The following PNPLA7 variants were observed in gnomAD, a reference collection of about 807,000 sequenced individuals.
PNPLA7 encodes the protein patatin-like phospholipase domain-containing protein 7.
PNPLA7 carries 153 observed loss-of-function variants against 161.7 expected under a neutral mutation model. The ratio of observed to expected loss-of-function variants is 0.95; its 90% CI spans 0.83 to 1.08. The LOEUF is 1.08. Ranked by LOEUF, PNPLA7 falls within the 50% of genes least tolerant of loss-of-function variation. The pLI is 0.00. For synonymous variants in PNPLA7, 809 were observed against 782.1 expected, an observed-to-expected ratio of 1.03 and a Z score of -0.57; for missense variants, 1,739 against 1,856.6, an observed-to-expected ratio of 0.94 and a Z score of 1.16.
Position 137,484,651 on chromosome 9 carries a change from G to C in PNPLA7, c.2283C>G (p.Pro761=). ...CGGTGAGGGGCACTTCCTCTGACAC[G>C]GGCATCACTGCCACCGTGGACAGGT... ...AVNLSTVAVM[P]VSEEVPLTAF... The change falls in exon 21 of 35, where the codon CCC becomes CCG. Residue 761 remains proline (P), a synonymous_variant. Coordinates refer to ENST00000406427, the MANE Select transcript of PNPLA7 (RefSeq NM_001098537.3). The C allele has an allele frequency of 2.5e-6, 4 of 1,612,482 alleles. 1 individual carries two copies. In the South Asian group the frequency reaches 4.4e-5, roughly 18 times the overall value.
intron 25 of PNPLA7, among the ~76,000 whole-genome samples, chr9:137,471,456 G>A (rs547437490): frequency 3.3e-4 from 50 of 151,890 alleles, no homozygotes; most frequent in African/African-American, 4.6e-4. Context: ...AAAATTAGCC[G>A]GGCGTGGTGG....
chr9:137,517,552 C>T (rs578176391), intron 11 of PNPLA7, among the ~76,000 whole-genome samples: 6 of 97,328 alleles, frequency 6.2e-5, no homozygotes, highest in Non-Finnish European at 1.1e-4. Flanking sequence ...CACACTCACT[C>T]ACTCCACTCT....
Position 137,522,791 on chromosome 9 carries a change from G to A in PNPLA7, c.814C>T (p.Pro272Ser), listed in dbSNP as rs1835095568. 1 of 1,613,760 alleles carries A rather than the reference G, an allele frequency of 6.2e-7. No individual in the cohort carries two copies. Among genetic ancestry groups the A allele is most frequent in the Non-Finnish European group, 8.5e-7 (1 of 1,180,006 alleles). ...AAAACTCCATGAAAAGCCGCAGCTG[G>A]AAGCCGGAGGATGGTGGACGGGATG... ...AAIPSTILRL[P>S]AAAFHGVFEK... Residue 272 changes from proline to serine, a missense_variant, in exon 9 of 35, where the codon CCA (proline) becomes TCA (serine). Pro to Ser is a moderately conservative substitution (Grantham distance 74). Transcript: ENST00000406427.
chr9:137,526,080 T>C (rs541509369), intron 8 of PNPLA7, among the ~76,000 whole-genome samples: 2 of 151,916 alleles, frequency 1.3e-5, no homozygotes, highest in East Asian at 3.9e-4. Flanking sequence ...TATCATCATA[T>C]CTATATTCTA....
chr9:137,512,388 C>A (rs1327910805), intron 12 of PNPLA7, among the ~76,000 whole-genome samples: 3 of 152,272 alleles, frequency 2.0e-5, no homozygotes, highest in Non-Finnish European at 4.4e-5. Context: ...CCACACGGCT[C>A]CACTTCTGAA....
In PNPLA7 at chr9:137,541,567, T is replaced by C; in HGVS notation, c.667-845A>G. On this transcript the variant is annotated intron_variant, in intron 7 of 34. Coordinates refer to ENST00000406427, the MANE Select transcript of PNPLA7 (RefSeq NM_001098537.3). This position sits in a 1 kb window ranked among gnomAD's most constrained non-coding sequence, Gnocchi z 4.4. ...GTGATGATCACACAAAGCCCAGGGT[T>C]TGCTGAGTGCGTGCTTTAAATGAGA... 4.6e-6 allele frequency: 4 copies of C among 874,068 alleles called. No homozygotes were observed. The highest frequency in any genetic ancestry group is 5.5e-6 in the Non-Finnish European group (4 of 728,270). The allele number at this position is 874,068 out of a possible 1,614,324, so 54.1% of individuals were successfully genotyped here.
At chr9:137,504,056 G>A (rs1196327373) in intron 14 of PNPLA7, among the ~76,000 whole-genome samples, 1 of 144,036 alleles carries the variant, frequency 6.9e-6, no homozygotes, top group East Asian at 2.1e-4. Context: ...GAAGAAGGAA[G>A]AAGAAGAAAG....
At position 137,461,207 on chromosome 9, in the gene PNPLA7, C is replaced by T. The variant is rs565504056; in HGVS notation, c.3841+329G>A. ...TGGACCCGCCCTTCTTGTCCTGCGGCCCCTCCAACAAGCAGCCTTCATTCC... is the reference window on the plus strand; with the variant it reads ...TGGACCCGCCCTTCTTGTCCTGCGGTCCCTCCAACAAGCAGCCTTCATTCC... On this transcript the variant is annotated intron_variant, in intron 33 of 34. Transcript: ENST00000406427. 5.5e-5 allele frequency: 20 copies of T among 365,516 alleles called. No individual in the cohort carries two copies. In the East Asian group the frequency reaches 8.6e-4, roughly 16 times the overall value. 22.6% of individuals were successfully genotyped at this position (365,516 alleles called of 1,614,324 possible).
intron 25 of PNPLA7, among the ~76,000 whole-genome samples, chr9:137,475,182 A>G (rs1831890827): frequency 6.6e-6 from 1 of 152,048 alleles, no homozygotes; most frequent in Admixed American, 6.6e-5. Flanking sequence ...AAAGAGCCAC[A>G]TGAAGGCCCA....
At position 137,460,143 on chromosome 9, in the gene PNPLA7, G is replaced by C. The variant is rs778999530; in HGVS notation, c.*250C>G. On this transcript the variant is annotated 3_prime_UTR_variant, in exon 35 of 35. Transcript: ENST00000406427. ...GGGGGGCCTCACAGGGCTGCAGGGG[G>C]TTCACAGAGCTTCAGGGGCCTCACA... 9.4e-6 allele frequency: 4 copies of C among 425,744 alleles called. No individual in the cohort carries two copies. Among genetic ancestry groups the C allele is most frequent in the African/African-American group, 2.0e-5 (1 of 49,120 alleles). 26.4% of individuals were successfully genotyped at this position (425,744 alleles called of 1,614,324 possible).
chr9:137,474,234 G>A (rs534146527), intron 25 of PNPLA7, among the ~76,000 whole-genome samples: 3 of 152,254 alleles, frequency 2.0e-5, no homozygotes, highest in South Asian at 4.1e-4. Context: ...GCGAGACCCC[G>A]TCTCAAAACA....
chr9:137,538,272 G>C (rs1836000097), intron 8 of PNPLA7, among the ~76,000 whole-genome samples: 1 of 152,200 alleles, frequency 6.6e-6, no homozygotes, highest in African/African-American at 2.4e-5. Context: ...AAGTCCCAGG[G>C]AGCACAACGA....
chr9:137,460,070 C>CA lies in PNPLA7; in HGVS notation c.*322dup, dbSNP rs1256001965. ...AGTTCACAGGGCTTTGGGGGCCTCA[C>CA]AGGGCAGCAGGTGGTTCACAGGGCT... On this transcript the variant is annotated 3_prime_UTR_variant, in exon 35 of 35. Transcript: ENST00000406427. 3.3e-6 allele frequency: 1 copy of CA among 303,314 alleles called. No homozygotes were observed. The highest frequency in any genetic ancestry group is 6.5e-6 in the Non-Finnish European group (1 of 154,522). 18.8% of individuals were successfully genotyped at this position (303,314 alleles called of 1,614,324 possible).
At chr9:137,530,216 C>A (rs902706843) in intron 8 of PNPLA7, among the ~76,000 whole-genome samples, 3 of 152,336 alleles carry the variant, frequency 2.0e-5, no homozygotes, top group African/African-American at 4.8e-5. Context: ...CTGCCCGCCT[C>A]GGCCTCCCAA....
intron 12 of PNPLA7, among the ~76,000 whole-genome samples, chr9:137,513,096 T>C (rs1461994305): frequency 6.6e-6 from 1 of 152,114 alleles, no homozygotes; most frequent in Non-Finnish European, 1.5e-5. Context: ...ATTATCACCA[T>C]AAAGAGTAAG....
rs1442368099 is a variant in PNPLA7 at position 137,462,245 on chromosome 9, G to T, written c.3579C>A (p.Cys1193Ter). 2 of 1,610,350 alleles carry T rather than the reference G, an allele frequency of 1.2e-6. No individual in the cohort carries two copies. The highest frequency in any genetic ancestry group is 1.7e-6 in the Non-Finnish European group (2 of 1,178,320). The change falls in exon 31 of 35, where the codon TGC (cysteine) becomes TGA (stop). Residue 1193 changes from cysteine to a stop codon, truncating the protein, a stop_gained. Transcript: ENST00000406427. LOFTEE classifies it high-confidence loss of function. Reference protein sequence around the residue: ...QLEVVKSSDYCEYLRPPIDSY... With the variant: ...QLEVVKSSDY ...TGTCGATGGGGGGGCGCAGGTACTC[G>T]CAGTAGTCACTGCTCTTCACCACCT...
intron 8 of PNPLA7, among the ~76,000 whole-genome samples, chr9:137,526,485 G>A (rs1835309178): frequency 6.6e-6 from 1 of 152,158 alleles, no homozygotes; most frequent in African/African-American, 2.4e-5. Context: ...CACCGTGTTA[G>A]CCAGGATGGT....
At position 137,501,698 on chromosome 9, in the gene PNPLA7, C is replaced by T. The variant is rs149402130; in HGVS notation, c.1503G>A (p.Ala501=). The stretch of plus-strand genomic sequence containing the variant: ...CCGTGCCTGCAGGAACGTGCAGAAG[C>T]GCCACCCGGCCATCCAACAGAGATG... The part of the protein sequence containing the change: ...EDSSLLDGRV[A]LLHVPAGTVV... The change falls in exon 15 of 35, where the codon GCG becomes GCA. Residue 501 remains alanine (A), a synonymous_variant. Coordinates refer to ENST00000406427, the MANE Select transcript of PNPLA7 (RefSeq NM_001098537.3). The T allele has an allele frequency of 1.3e-4, 217 of 1,612,592 alleles. No homozygotes were observed. Among genetic ancestry groups the T allele is most frequent in the African/African-American group, 7.3e-4 (55 of 75,028 alleles).
chr9:137,513,219 C>T (rs1434199634), intron 12 of PNPLA7, among the ~76,000 whole-genome samples: 1 of 151,908 alleles, frequency 6.6e-6, no homozygotes, highest in Non-Finnish European at 1.5e-5. Context: ...AGGCCGGGTG[C>T]GGTGGCTCAG....
Sources: gnomAD v4.1 joint callset for allele counts (sites outside exome capture counted in the v4.1 genomes callset) on GRCh38, gnomAD v4.1.1 for gene constraint, Gnocchi (gnomAD v3.1) non-coding constraint, MANE v1.5 for transcripts, NCBI Gene and HGNC (gene_info 2026-07-23, HGNC 2026-07-21) for gene names.